The following PTPRD variants were observed in gnomAD, a reference collection of about 807,000 sequenced individuals.
The protein encoded by PTPRD is protein tyrosine phosphatase receptor type D.
PTPRD carries 34 observed loss-of-function variants against 214.5 expected under a neutral mutation model. That is an observed-to-expected ratio of 0.16 (90% confidence interval 0.12 to 0.21). The LOEUF (loss-of-function observed/expected upper bound fraction) is 0.21. PTPRD is among the 10% of genes least tolerant of loss of function. The pLI, the probability that PTPRD is intolerant of heterozygous loss-of-function variation, is 1.00. For synonymous variants in PTPRD, 1,128 were observed against 845.7 expected (o/e 1.33, Z -5.79); for missense variants, 2,545 against 2,398.7 (o/e 1.06, Z -1.27).
At chr9:8,663,696 G>C (rs2097113323) in intron 12 of PTPRD, among the ~76,000 whole-genome samples, 1 of 151,962 alleles carries the variant, frequency 6.6e-6, no homozygotes, top group Non-Finnish European at 1.5e-5. Context: ...TTACCATGTT[G>C]GTCAGGCTGG....
At chr9:9,512,278 A>T (rs1301836945) in intron 8 of PTPRD, among the ~76,000 whole-genome samples, 2 of 151,852 alleles carry the variant, frequency 1.3e-5, no homozygotes, top group African/African-American at 4.8e-5. Context: ...AAATGCAGAA[A>T]TCAAAGATGA....
intron 7 of PTPRD, among the ~76,000 whole-genome samples, chr9:9,679,837 A>C (rs1361910333): frequency 1.3e-5 from 2 of 151,932 alleles, no homozygotes. Flanking sequence ...AAAATCTGCC[A>C]ATCTTCCTAG....
At chr9:9,429,141 T>G (rs1019199099) in intron 8 of PTPRD, among the ~76,000 whole-genome samples, 2 of 151,756 alleles carry the variant, frequency 1.3e-5, no homozygotes, top group East Asian at 3.9e-4. Context: ...ATCAATGAAA[T>G]TGATAGGCAG....
chr9:9,680,382 G>T (rs1400834853), intron 7 of PTPRD, among the ~76,000 whole-genome samples: 1 of 151,752 alleles, frequency 6.6e-6, no homozygotes, highest in Non-Finnish European at 1.5e-5. Context: ...ATCATTTGTG[G>T]ATCAAGCCCA....
At chr9:8,358,067 C>T (rs1205481487) in intron 39 of PTPRD, among the ~76,000 whole-genome samples, 1 of 152,138 alleles carries the variant, frequency 6.6e-6, no homozygotes. Context: ...CTCCTGGCAT[C>T]GTTTTGGATT....
chr9:8,942,999 C>A (rs2099042876), intron 11 of PTPRD, among the ~76,000 whole-genome samples: 1 of 151,778 alleles, frequency 6.6e-6, no homozygotes, highest in South Asian at 2.1e-4. Context: ...ATGCCAATAG[C>A]AAATAATCTG....
At chr9:9,812,682 A>G (rs982957119) in intron 5 of PTPRD, among the ~76,000 whole-genome samples, 1 of 152,190 alleles carries the variant, frequency 6.6e-6, no homozygotes, top group Non-Finnish European at 1.5e-5. Flanking sequence ...TATAAACAGG[A>G]CTGAAAGGAA....
chr9:9,591,302 A>G (rs1212320752), intron 7 of PTPRD, among the ~76,000 whole-genome samples: 1 of 152,036 alleles, frequency 6.6e-6, no homozygotes, highest in Non-Finnish European at 1.5e-5. Context: ...ACCAAAGACC[A>G]TACCAGATGA....
intron 5 of PTPRD, among the ~76,000 whole-genome samples, chr9:9,788,946 T>C (rs1300775716): frequency 6.6e-6 from 1 of 152,198 alleles, no homozygotes; most frequent in African/African-American, 2.4e-5. Context: ...TACTCACAAG[T>C]TTCCGGTGCC....
At chr9:10,064,861 A>C (rs998212545) in intron 3 of PTPRD, among the ~76,000 whole-genome samples, 1 of 152,048 alleles carries the variant, frequency 6.6e-6, no homozygotes. Flanking sequence ...CTTAAAAGAA[A>C]ACTAGAGTTG....
chr9:8,937,999 C>G (rs1054836611), intron 11 of PTPRD, among the ~76,000 whole-genome samples: 2 of 152,090 alleles, frequency 1.3e-5, no homozygotes, highest in Admixed American at 6.6e-5. Context: ...TTTAGTCTTA[C>G]TAAATAGACC....
chr9:8,732,153 A>G lies in PTPRD; in HGVS notation c.64+1627T>C, dbSNP rs946373702. ...TATCTGCAGAAAAGATTGTTTTTTC[A>G]AACACAATTTTAAAAGTCTTCCTTT... On this transcript the variant is annotated intron_variant, in intron 12 of 45. Transcript: ENST00000381196. 3.9e-5 allele frequency among the ~76,000 whole-genome samples: 6 copies of G among 152,208 alleles called. No homozygotes were observed. In the South Asian group the frequency reaches 6.2e-4, roughly 16 times the overall value.
intron 9 of PTPRD, among the ~76,000 whole-genome samples, chr9:9,374,252 A>T (rs1269384075): frequency 6.6e-6 from 1 of 152,084 alleles, no homozygotes; most frequent in Non-Finnish European, 1.5e-5. Context: ...TAGGAGGTAA[A>T]ATAAATAAAC....
At chr9:10,023,026 T>C (rs576160980) in intron 4 of PTPRD, among the ~76,000 whole-genome samples, 10 of 152,330 alleles carry the variant, frequency 6.6e-5, no homozygotes, top group Admixed American at 5.2e-4. Context: ...ATATTCTTTG[T>C]CCAACTGTTA....
chr9:8,719,715 AT>A (rs1385813409), intron 12 of PTPRD, among the ~76,000 whole-genome samples: 1 of 152,232 alleles, frequency 6.6e-6, no homozygotes, highest in African/African-American at 2.4e-5. Context: ...AGCCAACAAT[AT>A]TTACCATATA....
chr9:9,282,498 T>C (rs997953746), intron 9 of PTPRD, among the ~76,000 whole-genome samples: 1 of 151,376 alleles, frequency 6.6e-6, no homozygotes, highest in Admixed American at 6.6e-5. Context: ...TTCAGATGGT[T>C]TTAGTTTTTC....
chr9:9,694,729 A>T (rs2097339010), intron 7 of PTPRD, among the ~76,000 whole-genome samples: 1 of 152,104 alleles, frequency 6.6e-6, no homozygotes, highest in African/African-American at 2.4e-5. Flanking sequence ...AAGGAAGAGG[A>T]GCCTCTCCCT....
intron 7 of PTPRD, among the ~76,000 whole-genome samples, chr9:9,646,340 T>TGTGG (rs1309189986): frequency 6.9e-6 from 1 of 145,170 alleles, no homozygotes; most frequent in Non-Finnish European, 1.5e-5. Context: ...TGTGTGTGTG[T>TGTGG]GTGGGTGTGT....
chr9:9,130,155 T>C (rs956759505), intron 10 of PTPRD, among the ~76,000 whole-genome samples: 6 of 152,130 alleles, frequency 3.9e-5, no homozygotes, highest in Admixed American at 3.9e-4. Flanking sequence ...GCTTGGGCAA[T>C]GTACAAACAA....
Sources: gnomAD v4.1 joint callset for allele counts (sites outside exome capture counted in the v4.1 genomes callset) on GRCh38, gnomAD v4.1.1 for gene constraint, MANE v1.5 for transcripts, NCBI Gene and HGNC (gene_info 2026-07-23, HGNC 2026-07-21) for gene names.